The following KITLG variants were observed in gnomAD, a reference collection of about 807,000 sequenced individuals.
KITLG encodes the protein c-Kit ligand.
A neutral mutation model predicts 34.1 loss-of-function variants in KITLG; 13 were observed. That is an observed-to-expected ratio of 0.38 (90% confidence interval 0.25 to 0.61). KITLG has a LOEUF of 0.61. KITLG is among the 20% of genes least tolerant of loss of function. The pLI is 0.60. For synonymous variants in KITLG, 110 were observed against 104.0 expected, an observed-to-expected ratio of 1.06 and a Z score of -0.35; for missense variants, 292 against 318.9, an observed-to-expected ratio of 0.92 and a Z score of 0.64.
intron 1 of KITLG, among the ~76,000 whole-genome samples, chr12:88,556,147 T>C (rs1427211155): frequency 3.4e-5 from 5 of 147,754 alleles, no homozygotes; most frequent in Non-Finnish European, 5.9e-5. Flanking sequence ...CACAGAAGTG[T>C]GGAAACAAGG....
At position 88,516,464 on chromosome 12, in the gene KITLG, T is replaced by C. The variant is rs542651281; in HGVS notation, c.390A>G (p.Pro130=). 2 of 1,603,086 alleles carry C rather than the reference T, an allele frequency of 1.2e-6. No individual in the cohort carries two copies. Among genetic ancestry groups the C allele is most frequent in the African/African-American group, 1.3e-5 (1 of 74,350 alleles). Residue 130 remains proline, a synonymous_variant, in exon 5 of 10, where the codon CCA becomes CCG. Coordinates refer to ENST00000644744, the MANE Select transcript of KITLG (RefSeq NM_000899.5). Reference sequence around the variant, plus strand: ...CTTCAGGAGTAAAGAGCCTGGGTTCTGGGCTCTTGAATGATTTTTTTAGAT... The same window carrying C: ...CTTCAGGAGTAAAGAGCCTGGGTTCCGGGCTCTTGAATGATTTTTTTAGAT... ...SKDLKKSFKS[P]EPRLFTPEEF...
rs957640570 is a variant in KITLG at position 88,532,816 on chromosome 12, C to G, written c.130-313G>C. 3.9e-5 allele frequency among the ~76,000 whole-genome samples: 6 copies of G among 152,216 alleles called. No homozygotes were observed. In the East Asian group the frequency reaches 9.7e-4, roughly 25 times the overall value. ...CCACCTGTGATCTTGGAATTCCCCT[C>G]AAGGACTATTTTCCTACTTGTTCCT... On this transcript the variant is annotated intron_variant, in intron 2 of 9. Coordinates refer to ENST00000644744, the MANE Select transcript of KITLG (RefSeq NM_000899.5).
chr12:88,526,713 A>G (rs569674074), intron 3 of KITLG, among the ~76,000 whole-genome samples: 111 of 152,304 alleles, frequency 7.3e-4, no homozygotes, highest in African/African-American at 2.6e-3. Context: ...ACCAAAATCT[A>G]AAAGAATCAG....
intron 1 of KITLG, among the ~76,000 whole-genome samples, chr12:88,557,739 A>G (rs1014780284): frequency 2.0e-5 from 3 of 152,158 alleles, no homozygotes; most frequent in African/African-American, 7.2e-5. Context: ...CGGCCAAAGT[A>G]TGGAAACATA....
intron 9 of KITLG, among the ~76,000 whole-genome samples, chr12:88,504,692 G>A (rs1868985013): frequency 6.6e-6 from 1 of 152,152 alleles, no homozygotes; most frequent in Admixed American, 6.6e-5. Flanking sequence ...CAACCATTGT[G>A]GAAGTCAGTG....
In KITLG at chr12:88,496,213, C is replaced by T. The variant is rs544081609; in HGVS notation, c.*1006G>A. On this transcript the variant is annotated 3_prime_UTR_variant, in exon 10 of 10. Transcript: ENST00000644744. ...TTCAACACCCATATTAGCATGTGGG[C>T]GTGGTTTTCTAACCTTAGATACTAA... The T allele has an allele frequency of 2.0e-5, 3 of 152,194 alleles. No homozygotes were observed. Among genetic ancestry groups the T allele is most frequent in the African/African-American group, 4.8e-5 (2 of 41,546 alleles). 9.4% of individuals were successfully genotyped at this position (152,194 alleles called of 1,614,324 possible).
chr12:88,529,939 T>C (rs1870021512), intron 3 of KITLG, among the ~76,000 whole-genome samples: 1 of 152,220 alleles, frequency 6.6e-6, no homozygotes, highest in Non-Finnish European at 1.5e-5. Flanking sequence ...AGTAGATTTT[T>C]CTCAATTACA....
At chr12:88,545,574 C>T (rs1173096401) in intron 2 of KITLG, among the ~76,000 whole-genome samples, 178 bp downstream of exon 2, 1 of 152,158 alleles carries the variant, frequency 6.6e-6, no homozygotes, top group Non-Finnish European at 1.5e-5. Flanking sequence ...TTATCCATGA[C>T]CCTAAATATC....
chr12:88,556,794 CAT>C (rs1871111416), intron 1 of KITLG, among the ~76,000 whole-genome samples: 1 of 152,016 alleles, frequency 6.6e-6, no homozygotes, highest in African/African-American at 2.4e-5. Flanking sequence ...AAGCCAAATA[CAT>C]GAGAGGGAAA....
intron 1 of KITLG, among the ~76,000 whole-genome samples, chr12:88,566,984 A>G (rs1871464059): frequency 6.6e-6 from 1 of 152,178 alleles, no homozygotes; most frequent in African/African-American, 2.4e-5. Context: ...ACTTTCCTGT[A>G]TTACTCCTCA....
chr12:88,529,161 T>A (rs1047393650), intron 3 of KITLG, among the ~76,000 whole-genome samples: 99 of 152,240 alleles, frequency 6.5e-4, no homozygotes, highest in East Asian at 1.9e-3. Flanking sequence ...AATAAAAAAA[T>A]TTTTTTAAAA....
At chr12:88,510,389 G>A (rs1465801354) in intron 6 of KITLG, among the ~76,000 whole-genome samples, 1 of 152,120 alleles carries the variant, frequency 6.6e-6, no homozygotes, top group Non-Finnish European at 1.5e-5. Context: ...CATCAGTTAT[G>A]TCTCCAAGCA....
At chr12:88,555,373 A>G (rs752201948) in intron 1 of KITLG, among the ~76,000 whole-genome samples, 18 of 152,234 alleles carry the variant, frequency 1.2e-4, no homozygotes, top group Admixed American at 6.5e-5. Context: ...TCTGCAGGTG[A>G]GCAAAACACA....
chr12:88,562,736 A>C (rs1362144625), intron 1 of KITLG, among the ~76,000 whole-genome samples: 1 of 152,198 alleles, frequency 6.6e-6, no homozygotes. Flanking sequence ...CTAGGCTATA[A>C]AACCATGAGT....
chr12:88,516,857 C>A lies in KITLG; in HGVS notation c.364-367G>T, dbSNP rs1269239603. On this transcript the variant is annotated intron_variant, in intron 4 of 9. Transcript: ENST00000644744. ...AGTCTTTAGAAAAAAAAAAAAAAAA[C>A]CACACCATAATGCATGCTCTAATAT... is the stretch of plus-strand genomic sequence containing the variant. Among the ~76,000 whole-genome samples, 133 of 140,540 alleles carry A rather than the reference C, an allele frequency of 9.5e-4. 2 individuals are homozygous for A. The Middle Eastern group carries it at 0.033, about 35-fold the overall frequency. 92.2% of individuals were successfully genotyped at this position (140,540 alleles called of 152,430 possible).
At chr12:88,516,618 G>T (rs907360389) in intron 4 of KITLG, 128 bp from the exon 5 acceptor site, 8 of 609,992 alleles carry the variant, frequency 1.3e-5, no homozygotes, top group Non-Finnish European at 2.3e-5. Context: ...ACTTTTAGAT[G>T]GCTGTTTTAA....
chr12:88,576,033 C>T (rs980867270), intron 1 of KITLG, among the ~76,000 whole-genome samples: 1 of 152,036 alleles, frequency 6.6e-6, no homozygotes, highest in Non-Finnish European at 1.5e-5. Flanking sequence ...GGGAAACTAA[C>T]CAAGTCTCTT....
chr12:88,541,029 A>G (rs1236813024), intron 2 of KITLG, among the ~76,000 whole-genome samples: 1 of 152,182 alleles, frequency 6.6e-6, no homozygotes, highest in African/African-American at 2.4e-5. Flanking sequence ...AAATGGGGAC[A>G]TTCAGAGACT....
At chr12:88,507,665 C>A (rs1313768691) in intron 6 of KITLG, among the ~76,000 whole-genome samples, 1 of 152,086 alleles carries the variant, frequency 6.6e-6, no homozygotes, top group African/African-American at 2.4e-5. Context: ...GCTGTTTCCA[C>A]GTTCATATCT....
Sources: allele counts gnomAD v4.1 joint callset (sites outside exome capture counted in the v4.1 genomes callset), GRCh38; gene constraint gnomAD v4.1.1; transcripts MANE v1.5; gene names NCBI Gene and HGNC (gene_info 2026-07-23, HGNC 2026-07-21).